LANCL3: variants seen among roughly 807,000 people sequenced by gnomAD.
LANCL3 encodes the protein LanC like family member 3.
LANCL3 carries 19 observed loss-of-function variants against 26.5 expected under a neutral mutation model. The ratio of observed to expected loss-of-function variants is 0.72; its 90% CI spans 0.50 to 1.05. LANCL3 has a LOEUF of 1.05. LANCL3 is among the 50% of genes least tolerant of loss of function. The probability of loss-of-function intolerance (pLI) is 0.00; values close to 1 mark genes in which losing one functional copy is unlikely to be tolerated. For missense variants in LANCL3, 318 were observed against 362.7 expected, an observed-to-expected ratio of 0.88 and a Z score of 1.00; for synonymous variants, 160 against 166.6, an observed-to-expected ratio of 0.96 and a Z score of 0.30.
intron 1 of LANCL3, among the ~76,000 whole-genome samples, chrX:37,634,557 C>T (rs781795452): frequency 2.7e-5 from 3 of 112,726 alleles, no homozygotes; most frequent in South Asian, 3.7e-4. Flanking sequence ...AGCTGTAGAC[C>T]GGAGCTGTTC....
chrX:37,611,578 A>G (rs782408968), intron 1 of LANCL3, among the ~76,000 whole-genome samples: 7 of 112,018 alleles, frequency 6.2e-5, no homozygotes, highest in Non-Finnish European at 9.4e-5. Flanking sequence ...GAAAAAGGAT[A>G]CATAAGGGAA....
intron 1 of LANCL3, among the ~76,000 whole-genome samples, chrX:37,632,495 T>C (rs1356379599): frequency 6.3e-5 from 7 of 110,947 alleles, no homozygotes; most frequent in Non-Finnish European, 1.3e-4. Context: ...ATCCTGTCAT[T>C]GTGATGTTAG....
chrX:37,669,659 T>A (rs782724476), intron 4 of LANCL3, among the ~76,000 whole-genome samples: 2 of 112,160 alleles, frequency 1.8e-5, no homozygotes, highest in African/African-American at 3.2e-5. Context: ...CTATGATTCC[T>A]GTACAGCCTG....
chrX:37,682,075 C>G lies in LANCL3; in HGVS notation c.*6262C>G, dbSNP rs1331123822. 6.3e-5 allele frequency: 7 copies of G among 110,595 alleles called. No individual in the cohort carries two copies. Among genetic ancestry groups the G allele is most frequent in the Non-Finnish European group, 1.3e-4 (7 of 52,734 alleles). The allele number at this position is 110,595 out of a possible 1,213,427, so 9.1% of individuals were successfully genotyped here. A position where few individuals can be genotyped will look rare whatever the true frequency, so the allele number is the denominator to read the frequency against. Reference sequence around the variant, plus strand: ...CTTAAGTAGAGTAATGCAATTCTTGCTGATGTTTTATTTTTATTTTTATTT... The same window carrying G: ...CTTAAGTAGAGTAATGCAATTCTTGGTGATGTTTTATTTTTATTTTTATTT... On this transcript the variant is annotated 3_prime_UTR_variant, in exon 5 of 5. Transcript: ENST00000378619.
chrX:37,589,057 A>G (rs868972020), intron 1 of LANCL3, among the ~76,000 whole-genome samples: 5 of 112,262 alleles, frequency 4.5e-5, no homozygotes, highest in Non-Finnish European at 9.4e-5. Flanking sequence ...GACAGACTTT[A>G]TGGCTATCTA....
At chrX:37,661,531 C>A (rs1926422750) in intron 3 of LANCL3, among the ~76,000 whole-genome samples, 1 of 110,707 alleles carries the variant, frequency 9.0e-6, no homozygotes. Context: ...ATTTTACCAA[C>A]CCCTATCCCC....
intron 1 of LANCL3, among the ~76,000 whole-genome samples, chrX:37,639,506 C>T (rs1556425705): frequency 9.1e-6 from 1 of 109,402 alleles, no homozygotes. Context: ...GGTAAATGGT[C>T]AGTAGTATTT....
At chrX:37,607,170 C>T (rs1383353572) in intron 1 of LANCL3, among the ~76,000 whole-genome samples, 4 of 112,417 alleles carry the variant, frequency 3.6e-5, no homozygotes, top group African/African-American at 1.3e-4. Flanking sequence ...GGCAAAAGTG[C>T]CAAGTTAAAT....
intron 1 of LANCL3, among the ~76,000 whole-genome samples, chrX:37,646,767 G>C (rs1192176824): frequency 1.8e-5 from 2 of 110,481 alleles, no homozygotes; most frequent in Non-Finnish European, 3.8e-5. Flanking sequence ...TGAGTTCCAG[G>C]CAAAAGGGAG....
chrX:37,585,895 T>C (rs1222198211), intron 1 of LANCL3, among the ~76,000 whole-genome samples: 12 of 112,126 alleles, frequency 1.1e-4, no homozygotes, highest in Non-Finnish European at 2.1e-4. Flanking sequence ...CTAGCCTTGA[T>C]GGTCTTTACA....
chrX:37,626,164 A>T (rs1925310509), intron 1 of LANCL3, among the ~76,000 whole-genome samples: 1 of 112,299 alleles, frequency 8.9e-6, no homozygotes, highest in African/African-American at 3.2e-5. Flanking sequence ...CACGCTTCCT[A>T]GGTGTGTAGA....
rs34987799 is a variant in LANCL3 at position 37,574,054 on chromosome X, C to CAAAAAAAAAAA, written c.573+1622_573+1632dup. On this transcript the variant is annotated intron_variant, in intron 1 of 4. Transcript: ENST00000378619. ...GAGATGGAACAAGCTTCAAGGATAG[C>CAAAAAAAAAAA]AAAAAAAAAAAAAAAAAAAAACCCA... Among the ~76,000 whole-genome samples the CAAAAAAAAAAA allele has an allele frequency of 5.5e-3, 184 of 33,408 alleles. 3 individuals are homozygous for CAAAAAAAAAAA. The highest frequency in any genetic ancestry group is 0.016 in the African/African-American group (173 of 10,786). 29.0% of individuals were successfully genotyped at this position (33,408 alleles called of 115,157 possible).
At chrX:37,643,446 G>A (rs782633138) in intron 1 of LANCL3, among the ~76,000 whole-genome samples, 16 of 111,950 alleles carry the variant, frequency 1.4e-4, no homozygotes, top group East Asian at 5.6e-4. Flanking sequence ...ATTAAAGACC[G>A]CCTCAGCCTG....
At chrX:37,611,522 AAGG>A (rs1393580593) in intron 1 of LANCL3, among the ~76,000 whole-genome samples, 1 of 111,807 alleles carries the variant, frequency 8.9e-6, no homozygotes, top group Non-Finnish European at 1.9e-5. Context: ...GGAAAGTGTA[AAGG>A]TTCCCTGAAT....
rs781853440 is a variant in LANCL3 at position 37,676,162 on chromosome X, A to T, written c.*349A>T. 4 of 123,789 alleles carry T rather than the reference A, an allele frequency of 3.2e-5. No homozygotes were observed. The highest frequency in any genetic ancestry group is 1.3e-4 in the African/African-American group (4 of 31,481). The allele number at this position is 123,789 out of a possible 1,213,427, so 10.2% of individuals were successfully genotyped here. ...CAAAAAATACACTAATACCTTTGCA[A>T]TCTGAATGAGAATTTGACCATTTGT... On this transcript the variant is annotated 3_prime_UTR_variant, in exon 5 of 5. Coordinates refer to ENST00000378619, the MANE Select transcript of LANCL3 (RefSeq NM_001170331.2).
At chrX:37,646,480 C>A (rs1450676323) in intron 1 of LANCL3, among the ~76,000 whole-genome samples, 2 of 112,434 alleles carry the variant, frequency 1.8e-5, no homozygotes, top group Non-Finnish European at 3.8e-5. Context: ...GAACTACAAC[C>A]CCAAAGAGAT....
At chrX:37,578,113 T>C (rs1405917488) in intron 1 of LANCL3, among the ~76,000 whole-genome samples, 2 of 112,028 alleles carry the variant, frequency 1.8e-5, no homozygotes, top group African/African-American at 3.2e-5. Flanking sequence ...GCTGCTGTCA[T>C]TGCAAACATA....
chrX:37,579,771 T>C (rs1450900598), intron 1 of LANCL3, among the ~76,000 whole-genome samples: 1 of 111,454 alleles, frequency 9.0e-6, no homozygotes, highest in African/African-American at 3.3e-5. Flanking sequence ...TTTGCAAGTA[T>C]CTATGTAGGG....
chrX:37,622,053 C>G (rs923075626), intron 1 of LANCL3, among the ~76,000 whole-genome samples: 6 of 111,438 alleles, frequency 5.4e-5, no homozygotes, highest in African/African-American at 1.6e-4. Context: ...ATCCTCAGGT[C>G]TCTTTTTTTC....
Sources: allele counts gnomAD v4.1 joint callset (sites outside exome capture counted in the v4.1 genomes callset), GRCh38; gene constraint gnomAD v4.1.1; transcripts MANE v1.5; gene names NCBI Gene and HGNC (gene_info 2026-07-23, HGNC 2026-07-21).